CDHR1: variants seen among roughly 807,000 people sequenced by gnomAD.
CDHR1 encodes cadherin-related family member 1.
In CDHR1, 61 loss-of-function variants were observed where a neutral mutation model predicts 72.1. The ratio of observed to expected loss-of-function variants is 0.85; its 90% CI spans 0.69 to 1.05. CDHR1 has a LOEUF of 1.05. Ranked by LOEUF, CDHR1 falls within the 50% of genes least tolerant of loss-of-function variation. The pLI is 0.00. For missense variants in CDHR1, 1,186 were observed against 1,115.7 expected (o/e 1.06, Z -0.90); for synonymous variants, 470 against 448.1 (o/e 1.05, Z -0.62).
chr10:84,199,089 A>C lies in CDHR1; in HGVS notation c.406A>C (p.Ile136Leu), dbSNP rs1455480884. Residue 136 changes from isoleucine (I) to leucine (L), a missense_variant, in exon 5 of 17, where the codon ATC (isoleucine) becomes CTC (leucine). Physicochemically the swap from Ile to Leu is conservative, Grantham distance 5. Coordinates refer to ENST00000623527, the MANE Select transcript of CDHR1 (RefSeq NM_033100.4). ...TDANDEAPRF[I>L]QEPYVALVPE... ...TGCCAATGATGAGGCGCCCAGGTTC[A>C]TCCAGGAGCCTTATGTTGCCCTGGT... 2.7e-5 allele frequency: 42 copies of C among 1,551,430 alleles called. No individual in the cohort carries two copies. Among genetic ancestry groups the C allele is most frequent in the Non-Finnish European group, 3.7e-5 (42 of 1,147,032 alleles).
At chr10:84,208,696 A>T (rs747776446) in intron 11 of CDHR1, 33 bp from the exon 12 acceptor site, 4 of 1,605,222 alleles carry the variant, frequency 2.5e-6, no homozygotes, top group Non-Finnish European at 2.6e-6. Context: ...ATCATCATTC[A>T]TCTTCCTTGT....
Position 84,195,477 on chromosome 10 carries a change from C to T in CDHR1, c.56-17C>T, listed in dbSNP as rs374553998. The stretch of plus-strand genomic sequence containing the variant: ...TCCTTTGCCTGGGTGTCCGTCTGTT[C>T]TGTGTTCTTTTTCCAGCTCAGGCCA... On this transcript the variant is annotated splice_polypyrimidine_tract_variant and intron_variant, in intron 1 of 16. Coordinates refer to ENST00000623527, the MANE Select transcript of CDHR1 (RefSeq NM_033100.4). 3.5e-5 allele frequency: 57 copies of T among 1,610,820 alleles called. 1 individual carries two copies. Among genetic ancestry groups the T allele is most frequent in the Non-Finnish European group, 4.7e-5 (55 of 1,177,824 alleles).
Position 84,211,697 on chromosome 10 carries a change from A to G in CDHR1, c.1535A>G (p.Tyr512Cys), listed in dbSNP as rs200497503. ...GPWGEVKYST[Y>C]GTGADLFLIH... The stretch of plus-strand genomic sequence containing the variant: ...TGGGGCGAAGTGAAATATTCCACCT[A>G]TGGGACTGGGGCAGACCTGTAAGTA... Residue 512 changes from tyrosine (Y) to cysteine (C), a missense_variant, in exon 14 of 17, where the codon TAT becomes TGT. Coordinates refer to ENST00000623527, the MANE Select transcript of CDHR1 (RefSeq NM_033100.4). 1.1e-5 allele frequency: 18 copies of G among 1,613,964 alleles called. No homozygotes were observed. Among genetic ancestry groups the G allele is most frequent in the African/African-American group, 9.3e-5 (7 of 75,034 alleles).
chr10:84,208,073 A>C (rs1842259264), intron 10 of CDHR1, 101 bp from the exon 11 acceptor site: 1 of 1,063,546 alleles, frequency 9.4e-7, no homozygotes, highest in Non-Finnish European at 1.5e-6. Flanking sequence ...GCCAGGACAC[A>C]CTCAAACGGA....
chr10:84,213,845 C>T (rs1842380538), intron 16 of CDHR1, among the ~76,000 whole-genome samples: 2 of 152,284 alleles, frequency 1.3e-5, no homozygotes, highest in Non-Finnish European at 2.9e-5. Context: ...CATATTGTAC[C>T]AGAGAGTGGT....
rs1474333757 is a variant in CDHR1 at position 84,195,601 on chromosome 10, T to C, written c.151+12T>C. The C allele has an allele frequency of 1.2e-6, 2 of 1,606,640 alleles. No individual in the cohort carries two copies. Among genetic ancestry groups the C allele is most frequent in the South Asian group, 1.1e-5 (1 of 90,766 alleles). On this transcript the variant is annotated intron_variant, in intron 2 of 16. Coordinates refer to ENST00000623527, the MANE Select transcript of CDHR1 (RefSeq NM_033100.4). ...GGACACCCCTGTAGGTGAGTAGCCCTGGCACCTGCTCCCGATAGGTCTCCC... is the reference window on the plus strand; with the variant it reads ...GGACACCCCTGTAGGTGAGTAGCCCCGGCACCTGCTCCCGATAGGTCTCCC...
intron 4 of CDHR1, among the ~76,000 whole-genome samples, chr10:84,198,606 G>T (rs946064868): frequency 6.6e-6 from 1 of 152,208 alleles, no homozygotes. Context: ...AAGCCCACCT[G>T]CTCTCCACCA....
At position 84,212,385 on chromosome 10, in the gene CDHR1, T is replaced by A. The variant is rs2132831645; in HGVS notation, c.1760T>A (p.Leu587Gln). 6.2e-7 allele frequency: 1 copy of A among 1,614,172 alleles called. No individual in the cohort carries two copies. The highest frequency in any genetic ancestry group is 2.2e-5 in the East Asian group (1 of 44,874). ...GKSVQKKTMVLGTPVKIEAID... is the reference protein window; with the variant it reads ...GKSVQKKTMVQGTPVKIEAID... The stretch of plus-strand genomic sequence containing the variant: ...AGCGTTCAGAAGAAGACGATGGTGC[T>A]AGGGACCCCAGTGAAAATTGAGGTA... Residue 587 changes from leucine to glutamine, a missense_variant, in exon 15 of 17, where the codon CTA (leucine) becomes CAA (glutamine). By Grantham distance (113) the Leu-to-Gln change is moderately radical. Transcript: ENST00000623527.
At chr10:84,218,807 G>A (rs995323726), downstream of CDHR1, 2 of 1,025,822 alleles carry the variant, frequency 1.9e-6, no homozygotes, top group African/African-American at 1.7e-5. Flanking sequence ...CACATATGTA[G>A]TCTTAATAAG....
In CDHR1 at chr10:84,213,139, A is replaced by G. The variant is rs1842365902; in HGVS notation, c.1831A>G (p.Ile611Val). ...ACCCAACAACCTGGTGGACTATTCC[A>G]TCACCCATGCAGAGCCCGCCAACGT... ...EEPNNLVDYS[I>V]THAEPANVFD... is the part of the protein sequence containing the mutation. The change falls in exon 16 of 17, where the codon ATC becomes GTC. Residue 611 changes from isoleucine to valine, a missense_variant. Ile to Val is a conservative substitution (Grantham distance 29). Transcript: ENST00000623527. The G allele has an allele frequency of 1.2e-6, 2 of 1,614,182 alleles. No individual in the cohort carries two copies. The highest frequency in any genetic ancestry group is 1.7e-6 in the Non-Finnish European group (2 of 1,180,028).
intron 7 of CDHR1, 38 bp downstream of exon 7, chr10:84,201,958 C>T (rs781489568): frequency 4.6e-6 from 7 of 1,513,102 alleles, no homozygotes; most frequent in East Asian, 2.3e-5. Context: ...AGTGTCTCCT[C>T]AGCCCTTGGG....
At chr10:84,207,689 T>C (rs978707612) in intron 10 of CDHR1, among the ~76,000 whole-genome samples, 12 of 152,254 alleles carry the variant, frequency 7.9e-5, no homozygotes, top group African/African-American at 2.9e-4. Context: ...TATCTCATAG[T>C]TTCTGTGGTT....
At position 84,215,393 on chromosome 10, in the gene CDHR1, AGAAGAGCATCAGGGCT is replaced by A. The variant is rs1486062797; in HGVS notation, c.*774_*789del. 1.0e-6 allele frequency: 1 copy of A among 985,484 alleles called. No individual in the cohort carries two copies. The highest frequency in any genetic ancestry group is 1.2e-6 in the Non-Finnish European group (1 of 830,082). The allele number at this position is 985,484 out of a possible 1,614,324, so 61.0% of individuals were successfully genotyped here. On this transcript the variant is annotated 3_prime_UTR_variant, in exon 17 of 17. Transcript: ENST00000623527. The stretch of plus-strand genomic sequence containing the variant: ...TATAGAGGTAGCCCTAAAGGCAACT[AGAAGAGCATCAGGGCT>A]GCTCTCTGAGGAGCTGCCCCACCAG...
chr10:84,202,502 T>A lies in CDHR1; in HGVS notation c.640-478T>A, dbSNP rs1842145855. Among the ~76,000 whole-genome samples the A allele has an allele frequency of 1.3e-5, 2 of 152,186 alleles. 1 individual carries two copies. The highest frequency in any genetic ancestry group is 1.3e-4 in the Admixed American group (2 of 15,288). ...TGGTCACAGCCTGGCTTACAGGCCA[T>A]CCCACTGCAGCCTGTACCAGGAGGC... On this transcript the variant is annotated intron_variant, in intron 7 of 16. Transcript: ENST00000623527.
Position 84,214,660 on chromosome 10 carries a change from A to G in CDHR1, c.*39A>G. The G allele has an allele frequency of 6.4e-7, 1 of 1,570,354 alleles. No homozygotes were observed. On this transcript the variant is annotated 3_prime_UTR_variant, in exon 17 of 17. Coordinates refer to ENST00000623527, the MANE Select transcript of CDHR1 (RefSeq NM_033100.4). ...ACCCCCCATCTTTCCTCCGCCCCTGACCCCCACCACCCTGCTGCTCGGACT... is the reference window on the plus strand; with the variant it reads ...ACCCCCCATCTTTCCTCCGCCCCTGGCCCCCACCACCCTGCTGCTCGGACT...
At chr10:84,219,464 C>T, downstream of CDHR1, 1 of 968,982 alleles carries the variant, frequency 1.0e-6, no homozygotes, top group Non-Finnish European at 1.4e-6. Context: ...CACCAAGCTT[C>T]TTTTGCTTGG....
rs192276321 is a variant in CDHR1 at position 84,215,873 on chromosome 10, C to T, written c.*1252C>T. ...TCTTCCCTCACTCCATCCCCGCTAC[C>T]GTCCTGGCCAGCTACCGTCAGAGAG... is the stretch of plus-strand genomic sequence containing the variant. On this transcript the variant is annotated 3_prime_UTR_variant, in exon 17 of 17. Coordinates refer to ENST00000623527, the MANE Select transcript of CDHR1 (RefSeq NM_033100.4). 7.0e-5 allele frequency: 69 copies of T among 985,530 alleles called. No homozygotes were observed. The highest frequency in any genetic ancestry group is 7.6e-5 in the Non-Finnish European group (63 of 829,996). 61.0% of individuals were successfully genotyped at this position (985,530 alleles called of 1,614,324 possible).
intron 5 of CDHR1, among the ~76,000 whole-genome samples, chr10:84,200,099 G>A (rs1026702369): frequency 6.6e-6 from 1 of 151,938 alleles, no homozygotes; most frequent in Non-Finnish European, 1.5e-5. Context: ...GAACCCAGGA[G>A]GCAGAGGTTG....
At chr10:84,212,599 A>G (rs904080082) in intron 15 of CDHR1, among the ~76,000 whole-genome samples, 192 bp downstream of exon 15, 11 of 152,202 alleles carry the variant, frequency 7.2e-5, no homozygotes, top group Admixed American at 7.2e-4. Flanking sequence ...AGATATTGCT[A>G]TTCAACAAAT....
Sources: allele counts gnomAD v4.1 joint callset (sites outside exome capture counted in the v4.1 genomes callset), GRCh38; gene constraint gnomAD v4.1.1; transcripts MANE v1.5; gene names NCBI Gene and HGNC (gene_info 2026-07-23, HGNC 2026-07-21).